The following GALNT9 variants were observed in gnomAD, a reference collection of about 807,000 sequenced individuals.
GALNT9 encodes polypeptide N-acetylgalactosaminyltransferase 9, also known as GalNAc transferase 9.
GALNT9 carries 47 observed loss-of-function variants against 63.1 expected under a neutral mutation model. The ratio of observed to expected loss-of-function variants is 0.75; its 90% confidence interval spans 0.59 to 0.95. The LOEUF (loss-of-function observed/expected upper bound fraction) is 0.95, where lower values mean the gene tolerates loss of function less well. Ranked by LOEUF, GALNT9 falls within the 40% of genes least tolerant of loss-of-function variation. GALNT9 has a pLI of 0.00. For synonymous variants in GALNT9, 396 were observed against 365.7 expected (o/e 1.08, Z -0.94); for missense variants, 829 against 874.8 (o/e 0.95, Z 0.66).
chr12:132,329,078 G>A lies in GALNT9; in HGVS notation c.126C>T (p.Ser42=), dbSNP rs1236050077. The change falls in exon 1 of 11, where the codon AGC becomes AGT. Residue 42 remains serine, a synonymous_variant. Coordinates refer to ENST00000328957, the MANE Select transcript of GALNT9 (RefSeq NM_001122636.2). ...GTCGGCTGCGCACCCGGCGGTCGCC[G>A]CTCACGATGCGCACGAGCTCCTGGG... The part of the protein sequence containing the change: ...GRSQELVRIV[S]GDRRVRSRHA... 2 of 1,547,812 alleles carry A rather than the reference G, an allele frequency of 1.3e-6. No individual in the cohort carries two copies. Among genetic ancestry groups the A allele is most frequent in the East Asian group, 4.9e-5 (2 of 40,888 alleles).
intron 6 of GALNT9, among the ~76,000 whole-genome samples, chr12:132,240,238 G>T (rs1023058314): frequency 6.6e-6 from 1 of 152,110 alleles, no homozygotes; most frequent in African/African-American, 2.4e-5. Flanking sequence ...ACAGGTCAGG[G>T]ATCTGGAATA....
chr12:132,304,259 A>G (rs367820206), intron 1 of GALNT9, among the ~76,000 whole-genome samples: 28 of 31,268 alleles, frequency 9.0e-4, no homozygotes, highest in African/African-American at 1.4e-3. Context: ...ACACACCCTC[A>G]CCCGGGCACA....
At chr12:132,221,518 TGTGGTG>T (rs1328614274) in intron 6 of GALNT9, among the ~76,000 whole-genome samples, 2 of 140,432 alleles carry the variant, frequency 1.4e-5, no homozygotes, top group East Asian at 4.3e-4. Flanking sequence ...ATTAGCTGGG[TGTGGTG>T]GTGGTGGGTG....
chr12:132,224,624 C>T (rs1351277575), intron 6 of GALNT9, among the ~76,000 whole-genome samples: 1 of 59,402 alleles, frequency 1.7e-5, no homozygotes, highest in African/African-American at 7.6e-5. Flanking sequence ...CCCCATACAC[C>T]CCATATACAC....
Position 132,219,696 on chromosome 12 carries a change from CCGGG to C in GALNT9, c.1078-16010_1078-16007del, listed in dbSNP as rs1324920170. On this transcript the variant is annotated intron_variant, in intron 6 of 10. Coordinates refer to ENST00000328957, the MANE Select transcript of GALNT9 (RefSeq NM_001122636.2). Reference sequence around the variant, plus strand: ...GGCACCTCCCCAGGGTGACACCCGCCCGGGTAAGGGGAAGGGACACCTCCCCAGG... The same window carrying C: ...GGCACCTCCCCAGGGTGACACCCGCCTAAGGGGAAGGGACACCTCCCCAGG... Among the ~76,000 whole-genome samples, 76 of 150,828 alleles carry C rather than the reference CCGGG, an allele frequency of 5.0e-4. 2 individuals carry two copies. Among genetic ancestry groups the C allele is most frequent in the East Asian group, 4.0e-4 (2 of 5,056 alleles).
rs1878711546 is a variant in GALNT9 at position 132,246,509 on chromosome 12, G to A, written c.1077+1401C>T. Among the ~76,000 whole-genome samples the A allele has an allele frequency of 6.6e-6, 1 of 152,134 alleles. No homozygotes were observed. The highest frequency in any genetic ancestry group is 6.6e-5 in the Admixed American group (1 of 15,264). On this transcript the variant is annotated intron_variant, in intron 6 of 10. Transcript: ENST00000328957. This position sits in a 1 kb window ranked among gnomAD's most constrained non-coding sequence, Gnocchi z 4.7. ...TAAAGGCACAAAAGCAGTGAATTCT[G>A]TTTCACGGTATTATTTTATTTTATT...
chr12:132,272,722 G>A (rs1257359512), intron 2 of GALNT9: 1 of 152,208 alleles, frequency 6.6e-6, no homozygotes, highest in East Asian at 1.9e-4. Flanking sequence ...ATTTTTAAAG[G>A]GATATTTATC....
chr12:132,240,665 G>A lies in GALNT9; in HGVS notation c.1077+7245C>T, dbSNP rs139741787. 1.4e-3 allele frequency: 643 copies of A among 455,730 alleles called. 3 individuals carry two copies. Among genetic ancestry groups the A allele is most frequent in the Non-Finnish European group, 2.1e-3 (474 of 226,508 alleles). The allele number at this position is 455,730 out of a possible 1,614,324, so 28.2% of individuals were successfully genotyped here. ...GACCTGCTCCTCTTCACTCTCTGCC[G>A]TGTTTTTCTTCCTCTTTTATTCTGT... On this transcript the variant is annotated intron_variant, in intron 6 of 10. Coordinates refer to ENST00000328957, the MANE Select transcript of GALNT9 (RefSeq NM_001122636.2).
chr12:132,243,489 T>C (rs1397802000), intron 6 of GALNT9, among the ~76,000 whole-genome samples: 3 of 131,392 alleles, frequency 2.3e-5, no homozygotes, highest in Non-Finnish European at 4.9e-5. Context: ...GGGCATCCAC[T>C]CTTTGGGGAA....
chr12:132,324,046 C>A (rs1224618696), intron 1 of GALNT9, among the ~76,000 whole-genome samples: 1 of 152,232 alleles, frequency 6.6e-6, no homozygotes, highest in Non-Finnish European at 1.5e-5. Context: ...CCTGAACCAG[C>A]AGGAGCCATT....
intron 1 of GALNT9, among the ~76,000 whole-genome samples, chr12:132,321,198 G>A (rs557275964): frequency 1.3e-5 from 2 of 150,880 alleles, no homozygotes; most frequent in Admixed American, 1.3e-4. Flanking sequence ...GGCCCCTGTT[G>A]GTCCAGAGTC....
chr12:132,303,910 C>G (rs1881437817), intron 1 of GALNT9, among the ~76,000 whole-genome samples: 1 of 57,192 alleles, frequency 1.7e-5, no homozygotes, highest in Admixed American at 1.8e-4. Flanking sequence ...CACCCTCACC[C>G]AGACACAGCC....
rs2136896233 is a variant in GALNT9 at position 132,238,758 on chromosome 12, CCCT to C, written c.1077+9149_1077+9151del. Among the ~76,000 whole-genome samples the C allele has an allele frequency of 7.2e-5, 11 of 152,312 alleles. 1 individual carries two copies. The East Asian group carries it at 2.1e-3, about 29-fold the overall frequency. On this transcript the variant is annotated intron_variant, in intron 6 of 10. Transcript: ENST00000328957. This position sits in a 1 kb window ranked among gnomAD's most constrained non-coding sequence, Gnocchi z 6.5. ...AGAATGACAGCCTGATTCCTCCGCC[CCCT>C]CATCTGCAGGCCACCCGCCCAGGGA...
At chr12:132,303,826 C>T (rs1881432769) in intron 1 of GALNT9, among the ~76,000 whole-genome samples, 1 of 74,854 alleles carries the variant, frequency 1.3e-5, no homozygotes, top group African/African-American at 5.3e-5. Context: ...GGCACACCCT[C>T]ACCGGGGCAC....
At position 132,303,470 on chromosome 12, in the gene GALNT9, C is replaced by A. The variant is rs797028345; in HGVS notation, c.239-17040G>T. 3.7e-5 allele frequency among the ~76,000 whole-genome samples: 3 copies of A among 80,006 alleles called. No homozygotes were observed. The East Asian group carries it at 1.7e-3, about 45-fold the overall frequency. The allele number at this position is 80,006 out of a possible 152,430, so 52.5% of individuals were successfully genotyped here. A position where few individuals can be genotyped will look rare whatever the true frequency, so the allele number is the denominator to read the frequency against. ...CCGGGCACACCCTCGCCCGGACACA[C>A]CCTCACCCGGGCACAGAATCGCCCA... On this transcript the variant is annotated intron_variant, in intron 1 of 10. Coordinates refer to ENST00000328957, the MANE Select transcript of GALNT9 (RefSeq NM_001122636.2).
At position 132,272,950 on chromosome 12, in the gene GALNT9, C is replaced by A. The variant is rs1879922768; in HGVS notation, c.420-10325G>T. ...GAGCTCGACGCCATGGCCACTGTCT[C>A]CCGCACACGGGCCTTAGGGCCCCAC... On this transcript the variant is annotated intron_variant, in intron 2 of 10. Coordinates refer to ENST00000328957, the MANE Select transcript of GALNT9 (RefSeq NM_001122636.2). 2 of 152,366 alleles carry A rather than the reference C, an allele frequency of 1.3e-5. 1 individual carries two copies. Among genetic ancestry groups the A allele is most frequent in the South Asian group, 4.1e-4 (2 of 4,838 alleles). The allele number at this position is 152,366 out of a possible 1,614,324, so 9.4% of individuals were successfully genotyped here. A position where few individuals can be genotyped will look rare whatever the true frequency, so the allele number is the denominator to read the frequency against.
intron 1 of GALNT9, among the ~76,000 whole-genome samples, chr12:132,322,329 G>C (rs1431513664): frequency 3.3e-5 from 5 of 152,218 alleles, no homozygotes; most frequent in African/African-American, 1.2e-4. Context: ...GGACATCTCT[G>C]CTCAGGCCCG....
At position 132,207,902 on chromosome 12, in the gene GALNT9, A is replaced by G. The variant is rs556686041; in HGVS notation, c.1078-4212T>C. Among the ~76,000 whole-genome samples, 7 of 152,172 alleles carry G rather than the reference A, an allele frequency of 4.6e-5. No homozygotes were observed. The South Asian group carries it at 1.5e-3, about 32-fold the overall frequency. ...CCCTGCAAAACAGGGAAAGAACAAG[A>G]CAGCCCCCACCCCCCACCACGACTC... On this transcript the variant is annotated intron_variant, in intron 6 of 10. Coordinates refer to ENST00000328957, the MANE Select transcript of GALNT9 (RefSeq NM_001122636.2).
intron 2 of GALNT9, among the ~76,000 whole-genome samples, chr12:132,284,857 C>T (rs28440092): frequency 0.17 from 25,303 of 152,234 alleles, 2,278 homozygotes; most frequent in African/African-American, 0.25. Context: ...CACCAACCTC[C>T]ACGCAGCCCG....
Sources: gnomAD v4.1 joint callset for allele counts (sites outside exome capture counted in the v4.1 genomes callset) on GRCh38, gnomAD v4.1.1 for gene constraint, Gnocchi (gnomAD v3.1) non-coding constraint, MANE v1.5 for transcripts, NCBI Gene and HGNC (gene_info 2026-07-23, HGNC 2026-07-21) for gene names.